Variants in USP37 observed in about 807,000 individuals in gnomAD.
USP37 encodes the protein ubiquitin carboxyl-terminal hydrolase 37.
A neutral mutation model predicts 124.0 loss-of-function variants in USP37; 27 were observed. That is an observed-to-expected ratio of 0.22 (90% CI 0.16 to 0.30). The LOEUF (loss-of-function observed/expected upper bound fraction) is 0.30. Ranked by LOEUF, USP37 falls within the 10% of genes least tolerant of loss-of-function variation. USP37 has a pLI of 1.00. For synonymous variants in USP37, 365 were observed against 388.0 expected, an observed-to-expected ratio of 0.94 and a Z score of 0.70; for missense variants, 889 against 1,140.4, an observed-to-expected ratio of 0.78 and a Z score of 3.17.
intron 10 of USP37, among the ~76,000 whole-genome samples, chr2:218,512,168 G>T (rs1416812876): frequency 6.6e-6 from 1 of 152,100 alleles, no homozygotes; most frequent in African/African-American, 2.4e-5. Context: ...AGGATCAGGA[G>T]TTTGAAACCA....
chr2:218,459,962 G>T, intron 22 of USP37, 57 bp from the exon 23 acceptor site: 1 of 1,365,038 alleles, frequency 7.3e-7, no homozygotes, highest in Non-Finnish European at 1.0e-6. Flanking sequence ...TGGACGTGGT[G>T]GCTCACACCT....
At chr2:218,494,787 A>G (rs1016875189) in intron 14 of USP37, among the ~76,000 whole-genome samples, 1 of 152,236 alleles carries the variant, frequency 6.6e-6, no homozygotes, top group Admixed American at 6.5e-5. Context: ...TGCAGGCTAT[A>G]GAAGTCCTGA....
chr2:218,544,350 ACTCC>A (rs1294365428), intron 8 of USP37, among the ~76,000 whole-genome samples: 2 of 140,362 alleles, frequency 1.4e-5, no homozygotes, highest in Non-Finnish European at 3.0e-5. Context: ...GTGCCACTGC[ACTCC>A]AGCCTGGGTG....
intron 15 of USP37, among the ~76,000 whole-genome samples, chr2:218,487,444 C>T (rs968684490): frequency 6.6e-6 from 1 of 150,874 alleles, no homozygotes; most frequent in African/African-American, 2.4e-5. Context: ...TTTTTTGAGA[C>T]GGAGTCTCGT....
intron 11 of USP37, chr2:218,501,134 G>T (rs1160959995): frequency 2.0e-5 from 3 of 151,464 alleles, no homozygotes; most frequent in Non-Finnish European, 4.4e-5. Flanking sequence ...GACCCCCCCG[G>T]ACTCAGATGA....
At chr2:218,506,012 C>T (rs563286632) in intron 11 of USP37, among the ~76,000 whole-genome samples, 7 of 151,916 alleles carry the variant, frequency 4.6e-5, no homozygotes, top group East Asian at 1.9e-4. Context: ...CAGAGGTGCA[C>T]GCCACCAAGC....
At chr2:218,483,657 T>TC (rs1213315838) in intron 16 of USP37, among the ~76,000 whole-genome samples, 1 of 151,216 alleles carries the variant, frequency 6.6e-6, no homozygotes, top group East Asian at 1.9e-4. Context: ...AGCATTTTTT[T>TC]CCCCCCACTT....
intron 5 of USP37, among the ~76,000 whole-genome samples, chr2:218,552,120 T>C (rs1396698858): frequency 6.6e-6 from 1 of 152,108 alleles, no homozygotes; most frequent in East Asian, 1.9e-4. Context: ...AATTCAATAG[T>C]TTAGTAAATT....
intron 8 of USP37, among the ~76,000 whole-genome samples, chr2:218,544,256 T>C (rs1453360689): frequency 6.6e-6 from 1 of 151,282 alleles, no homozygotes; most frequent in Non-Finnish European, 1.5e-5. Context: ...GGCACACGCT[T>C]GTAGTCCAAG....
intron 10 of USP37, among the ~76,000 whole-genome samples, chr2:218,522,526 G>A (rs116261389): frequency 0.048 from 6,911 of 143,458 alleles, 483 homozygotes; most frequent in African/African-American, 0.16. Flanking sequence ...TTGTGCCACC[G>A]TACTCCAGCC....
intron 17 of USP37, among the ~76,000 whole-genome samples, chr2:218,481,209 CTAAAG>C (rs1691254636): frequency 6.6e-6 from 1 of 152,144 alleles, no homozygotes. Flanking sequence ...AAGCAAAAAC[CTAAAG>C]TAAAGATTAC....
At chr2:218,560,948 A>AC (rs1693273638) in intron 2 of USP37, 65 bp from the exon 3 acceptor site, 1 of 152,094 alleles carries the variant, frequency 6.6e-6, no homozygotes, top group African/African-American at 2.4e-5. Context: ...TATCATAAGT[A>AC]CTCTATTATT....
intron 19 of USP37, 46 bp from the exon 20 acceptor site, chr2:218,474,931 T>C: frequency 6.5e-7 from 1 of 1,550,062 alleles, no homozygotes; most frequent in Non-Finnish European, 8.7e-7. Context: ...TACCTACAAA[T>C]ATAGCAATCT....
In USP37 at chr2:218,474,865, T is replaced by C. The variant is rs777714108; in HGVS notation, c.2064A>G (p.Ile688Met). Residue 688 changes from isoleucine to methionine, a missense_variant, in exon 20 of 26, where the codon ATA becomes ATG. Coordinates refer to ENST00000258399, the MANE Select transcript of USP37 (RefSeq NM_020935.3). ...DLEKDSKLCP[I>M]EPDKSELENS... Reference sequence around the variant, plus strand: ...TTTCCAATTCAGACTTGTCAGGCTCTATTGGGCATAATTTTGAATCCTGAA... The same window carrying C: ...TTTCCAATTCAGACTTGTCAGGCTCCATTGGGCATAATTTTGAATCCTGAA... 6.2e-7 allele frequency: 1 copy of C among 1,612,726 alleles called. No individual in the cohort carries two copies. Among genetic ancestry groups the C allele is most frequent in the Non-Finnish European group, 8.5e-7 (1 of 1,179,686 alleles).
At position 218,488,379 on chromosome 2, in the gene USP37, G is replaced by C. The variant is rs1436304224; in HGVS notation, c.1515C>G (p.Leu505=). ...IIPKREQFND[L]SIDLPRRKKP... is the part of the protein sequence containing the mutation. ...TTTTCCTACGAGGAAGGTCAATAGA[G>C]AGGTCATTAAACTGTTCTCTTTTGG... The change falls in exon 15 of 26, where the codon CTC becomes CTG. Residue 505 remains leucine, a synonymous_variant. Coordinates refer to ENST00000258399, the MANE Select transcript of USP37 (RefSeq NM_020935.3). 1 of 1,612,666 alleles carries C rather than the reference G, an allele frequency of 6.2e-7. No homozygotes were observed. The highest frequency in any genetic ancestry group is 8.5e-7 in the Non-Finnish European group (1 of 1,179,466).
intron 5 of USP37, 78 bp downstream of exon 5, chr2:218,553,475 C>G (rs1574959785): frequency 7.6e-7 from 1 of 1,316,378 alleles, no homozygotes; most frequent in East Asian, 2.5e-5. Flanking sequence ...CTGATGAATT[C>G]AGTTGAATAT....
chr2:218,467,322 T>TCTAA (rs1491248088), intron 20 of USP37, among the ~76,000 whole-genome samples: 1 of 78,400 alleles, frequency 1.3e-5, no homozygotes, highest in Non-Finnish European at 3.7e-5. Context: ...TCTATATCTA[T>TCTAA]CTATCTATCT....
At chr2:218,497,881 T>C in intron 12 of USP37, 24 bp from the exon 13 acceptor site, 1 of 1,608,556 alleles carries the variant, frequency 6.2e-7, no homozygotes, top group Middle Eastern at 1.7e-4. Flanking sequence ...AAACACAAAG[T>C]TAGCACGTTT....
At chr2:218,550,343 A>C (rs1310211390) in intron 5 of USP37, among the ~76,000 whole-genome samples, 2 of 152,178 alleles carry the variant, frequency 1.3e-5, no homozygotes, top group African/African-American at 4.8e-5. Context: ...TATCCAGCAG[A>C]ATAAATGGCT....
Sources: allele counts gnomAD v4.1 joint callset (sites outside exome capture counted in the v4.1 genomes callset), GRCh38; gene constraint gnomAD v4.1.1; transcripts MANE v1.5; gene names NCBI Gene and HGNC (gene_info 2026-07-23, HGNC 2026-07-21).